CYFIP2: variants seen among roughly 807,000 people sequenced by gnomAD.
CYFIP2 encodes cytoplasmic FMR1-interacting protein 2.
Under a neutral mutation model 158.7 loss-of-function variants are expected in CYFIP2, and 29 were observed. The observed-to-expected ratio is 0.18, with a 90% CI of 0.14 to 0.25. The LOEUF (loss-of-function observed/expected upper bound fraction) is 0.25. CYFIP2 is among the 10% of genes least tolerant of loss of function. The probability of loss-of-function intolerance (pLI) is 1.00; values close to 1 mark genes in which losing one functional copy is unlikely to be tolerated. For missense variants in CYFIP2, 852 were observed against 1,639.5 expected (o/e 0.52, Z 8.29); for synonymous variants, 585 against 617.6 (o/e 0.95, Z 0.78).
intron 23 of CYFIP2, among the ~76,000 whole-genome samples, chr5:157,355,467 T>C (rs1484171618): frequency 6.6e-6 from 1 of 152,186 alleles, no homozygotes; most frequent in Non-Finnish European, 1.5e-5. Context: ...AACAACCCTA[T>C]TGGATTTGGT....
At chr5:157,368,192 G>C (rs1436920544) in intron 26 of CYFIP2, among the ~76,000 whole-genome samples, 2 of 152,316 alleles carry the variant, frequency 1.3e-5, no homozygotes, top group East Asian at 3.9e-4. Flanking sequence ...GGGATGTGAT[G>C]GGTGACAGGG....
chr5:157,377,488 T>C (rs1317480112), intron 26 of CYFIP2, among the ~76,000 whole-genome samples: 1 of 152,126 alleles, frequency 6.6e-6, no homozygotes, highest in African/African-American at 2.4e-5. Context: ...TTGCTCCTCT[T>C]TGCATCCCCA....
intron 26 of CYFIP2, among the ~76,000 whole-genome samples, chr5:157,379,496 A>T (rs1258618360): frequency 6.6e-6 from 1 of 150,850 alleles, no homozygotes; most frequent in Non-Finnish European, 1.5e-5. Context: ...ACAAAAAAAA[A>T]CTCCCAACTC....
chr5:157,395,510 T>C lies in CYFIP2; in HGVS notation c.*2510T>C, dbSNP rs1030914918. The stretch of plus-strand genomic sequence containing the variant: ...ATTTGCTATGCAGCTGAAGATGATA[T>C]TTTGATTTGTATTTTGGGGGTACCT... On this transcript the variant is annotated 3_prime_UTR_variant, in exon 31 of 31. Transcript: ENST00000620254. The C allele has an allele frequency of 1.5e-6, 1 of 672,762 alleles. No homozygotes were observed. Among genetic ancestry groups the C allele is most frequent in the African/African-American group, 1.9e-5 (1 of 53,380 alleles). 41.7% of individuals were successfully genotyped at this position (672,762 alleles called of 1,614,324 possible). A position where few individuals can be genotyped will look rare whatever the true frequency, so the allele number is the denominator to read the frequency against.
intron 14 of CYFIP2, 51 bp downstream of exon 14, chr5:157,319,979 A>G (rs943863371): frequency 7.4e-5 from 118 of 1,591,820 alleles, no homozygotes; most frequent in Non-Finnish European, 9.8e-5. Context: ...CATGCCAGGT[A>G]CCCATCAGAG....
chr5:157,362,969 C>T (rs1357583900), intron 26 of CYFIP2: 1 of 152,258 alleles, frequency 6.6e-6, no homozygotes, highest in Non-Finnish European at 1.5e-5. Flanking sequence ...AGATACACCA[C>T]ATGTAAAGCT....
At chr5:157,358,938 C>G in intron 23 of CYFIP2, 67 bp from the exon 24 acceptor site, 5 of 1,595,156 alleles carry the variant, frequency 3.1e-6, no homozygotes, top group Non-Finnish European at 4.3e-6. Context: ...AGCAGAACAT[C>G]TGCCAGGACT....
chr5:157,313,093 A>T lies in CYFIP2; in HGVS notation c.1111-1251A>T, dbSNP rs184503082. Among the ~76,000 whole-genome samples, 31 of 152,308 alleles carry T rather than the reference A, an allele frequency of 2.0e-4. No individual in the cohort carries two copies. In the East Asian group the frequency reaches 5.2e-3, roughly 26 times the overall value. ...GATATTTTTTAAAATTATATGCTCT[A>T]TACATGTTGAGTCTCATTATTCACA... On this transcript the variant is annotated intron_variant, in intron 11 of 30. Coordinates refer to ENST00000620254, the MANE Select transcript of CYFIP2 (RefSeq NM_001037333.3).
At chr5:157,368,904 T>TG (rs1764705937) in intron 26 of CYFIP2, among the ~76,000 whole-genome samples, 1 of 77,708 alleles carries the variant, frequency 1.3e-5, no homozygotes, top group African/African-American at 4.2e-5. Flanking sequence ...GTTTTTTTGT[T>TG]TTTTTTTTTT....
Position 157,390,589 on chromosome 5 carries a change from G to A in CYFIP2, c.3515G>A (p.Arg1172His), listed in dbSNP as rs1445791014. The change falls in exon 30 of 31, where the codon CGC becomes CAC. Residue 1172 changes from arginine to histidine, a missense_variant. Arg to His is a conservative substitution (Grantham distance 29). Transcript: ENST00000620254. Reference protein sequence around the residue: ...SIIVLLGQQRRFDLFDFCYHL... With the variant: ...SIIVLLGQQRHFDLFDFCYHL... ...ATTGTCCTGCTGGGCCAGCAGCGTC[G>A]CTTTGACCTGTTCGACTTCTGTTAC... 10 of 1,562,634 alleles carry A rather than the reference G, an allele frequency of 6.4e-6. No homozygotes were observed. Among genetic ancestry groups the A allele is most frequent in the East Asian group, 4.7e-5 (2 of 42,506 alleles).
At chr5:157,305,849 T>C (rs1026086091) in intron 8 of CYFIP2, among the ~76,000 whole-genome samples, 6 of 152,328 alleles carry the variant, frequency 3.9e-5, no homozygotes, top group Non-Finnish European at 5.9e-5. Context: ...CCTTCTAAGT[T>C]TTTTTTCTAT....
intron 7 of CYFIP2, 134 bp from the exon 8 acceptor site, chr5:157,304,104 C>T: frequency 1.7e-6 from 2 of 1,153,628 alleles, no homozygotes; most frequent in Non-Finnish European, 2.4e-6. Flanking sequence ...TGGCATGCAG[C>T]CTCGCCTCCC....
intron 4 of CYFIP2, among the ~76,000 whole-genome samples, chr5:157,295,837 A>G (rs536771818): frequency 1.3e-5 from 2 of 152,332 alleles, no homozygotes; most frequent in African/African-American, 4.8e-5. Context: ...TTCAGATCCC[A>G]TGTATCCATT....
chr5:157,314,081 A>G (rs1759946830), intron 11 of CYFIP2, among the ~76,000 whole-genome samples: 2 of 152,162 alleles, frequency 1.3e-5, no homozygotes, highest in South Asian at 4.1e-4. Context: ...AAAGAAAAAC[A>G]TATTGGTGCA....
In CYFIP2 at chr5:157,348,364, C is replaced by T. The variant is rs78599374; in HGVS notation, c.2673+7207C>T. Among the ~76,000 whole-genome samples the T allele has an allele frequency of 2.7e-3, 408 of 152,248 alleles. 3 individuals are homozygous for T. Among genetic ancestry groups the T allele is most frequent in the African/African-American group, 8.8e-3 (366 of 41,544 alleles). On this transcript the variant is annotated intron_variant, in intron 23 of 30. Coordinates refer to ENST00000620254, the MANE Select transcript of CYFIP2 (RefSeq NM_001037333.3). ...CAAGGCTCAGGAGATCCTCCTGCCT[C>T]AGCCCCCTCAAGTAGCTAGGACTAC... is the stretch of plus-strand genomic sequence containing the variant.
At chr5:157,328,379 A>G (rs573732324) in intron 19 of CYFIP2, among the ~76,000 whole-genome samples, 1 of 152,364 alleles carries the variant, frequency 6.6e-6, no homozygotes, top group East Asian at 1.9e-4. Flanking sequence ...TAGAAAGGCC[A>G]TCTTGCGGAA....
At position 157,300,723 on chromosome 5, in the gene CYFIP2, C is replaced by G. The variant is rs1205824727; in HGVS notation, c.396C>G (p.Ala132=). 1 of 1,596,812 alleles carries G rather than the reference C, an allele frequency of 6.3e-7. No individual in the cohort carries two copies. Among genetic ancestry groups the G allele is most frequent in the African/African-American group, 1.3e-5 (1 of 74,622 alleles). ...LMKFMYFQRK[A]IERFCSEVKR... ...TGCCCCTCTGCCCCCAGCGCAAGGCCATCGAGCGGTTCTGCAGCGAGGTGA... is the reference window on the plus strand; with the variant it reads ...TGCCCCTCTGCCCCCAGCGCAAGGCGATCGAGCGGTTCTGCAGCGAGGTGA... Residue 132 remains alanine (A), a synonymous_variant, in exon 6 of 31, where the codon GCC becomes GCG. Coordinates refer to ENST00000620254, the MANE Select transcript of CYFIP2 (RefSeq NM_001037333.3).
chr5:157,289,166 G>T (rs890577525), intron 3 of CYFIP2, among the ~76,000 whole-genome samples: 1 of 152,154 alleles, frequency 6.6e-6, no homozygotes, highest in African/African-American at 2.4e-5. Flanking sequence ...AGGACTGATT[G>T]CCAGTCCTGA....
At chr5:157,329,507 G>A (rs1761279772) in intron 19 of CYFIP2, among the ~76,000 whole-genome samples, 1 of 152,210 alleles carries the variant, frequency 6.6e-6, no homozygotes, top group Non-Finnish European at 1.5e-5. Context: ...CATGAGCTAG[G>A]TCAGTCCTGT....
Sources: gnomAD v4.1 joint callset for allele counts (sites outside exome capture counted in the v4.1 genomes callset) on GRCh38, gnomAD v4.1.1 for gene constraint, MANE v1.5 for transcripts, NCBI Gene and HGNC (gene_info 2026-07-23, HGNC 2026-07-21) for gene names.